Variants in NDRG3 observed in about 807,000 individuals in gnomAD.
NDRG3 encodes the protein protein NDRG3.
NDRG3 carries 23 observed loss-of-function variants against 57.2 expected under a neutral mutation model. The observed-to-expected ratio is 0.40, with a 90% CI of 0.29 to 0.57. NDRG3 has a LOEUF of 0.57. Ranked by LOEUF, NDRG3 falls within the 20% of genes least tolerant of loss-of-function variation. The pLI, the probability that NDRG3 is intolerant of heterozygous loss-of-function variation, is 0.42. For missense variants in NDRG3, 384 were observed against 457.3 expected, an observed-to-expected ratio of 0.84 and a Z score of 1.46; for synonymous variants, 132 against 162.6, an observed-to-expected ratio of 0.81 and a Z score of 1.43.
intron 8 of NDRG3, among the ~76,000 whole-genome samples, chr20:36,675,962 T>A (rs372815819): frequency 1.3e-5 from 2 of 152,054 alleles, no homozygotes; most frequent in South Asian, 2.1e-4. Context: ...GATTAACGGC[T>A]GGGCGCGGTG....
chr20:36,675,922 T>C (rs1453534125), intron 8 of NDRG3, among the ~76,000 whole-genome samples: 1 of 152,156 alleles, frequency 6.6e-6, no homozygotes, highest in Non-Finnish European at 1.5e-5. Flanking sequence ...AATGTAAAAG[T>C]ACTGAGAAGT....
intron 1 of NDRG3, among the ~76,000 whole-genome samples, chr20:36,728,598 G>A (rs1315923674): frequency 6.6e-6 from 1 of 152,182 alleles, no homozygotes; most frequent in African/African-American, 2.4e-5. Flanking sequence ...GGGTTTTGGA[G>A]CATTTCAGAT....
intron 1 of NDRG3, among the ~76,000 whole-genome samples, chr20:36,730,318 C>T (rs932896492): frequency 1.3e-5 from 2 of 151,470 alleles, no homozygotes; most frequent in African/African-American, 4.8e-5. Flanking sequence ...GCAGTGGCAC[C>T]ATCTTAGCTC....
chr20:36,671,625 AC>A (rs1980172423), intron 8 of NDRG3, among the ~76,000 whole-genome samples: 1 of 152,068 alleles, frequency 6.6e-6, no homozygotes, highest in Non-Finnish European at 1.5e-5. Flanking sequence ...ACACGGTGAA[AC>A]CCTGTCTCTA....
At chr20:36,727,537 T>C (rs901126154) in intron 1 of NDRG3, among the ~76,000 whole-genome samples, 2 of 149,102 alleles carry the variant, frequency 1.3e-5, no homozygotes, top group Non-Finnish European at 3.0e-5. Flanking sequence ...CTTTCTTTTT[T>C]CTTTTCTTTT....
intron 1 of NDRG3, among the ~76,000 whole-genome samples, chr20:36,723,164 C>T (rs1984698918): frequency 6.6e-6 from 1 of 152,092 alleles, no homozygotes; most frequent in South Asian, 2.1e-4. Context: ...GTTTCTGACC[C>T]ACAGAAACCA....
intron 12 of NDRG3, 35 bp from the exon 13 acceptor site, chr20:36,660,419 T>C: frequency 6.3e-7 from 1 of 1,575,144 alleles, no homozygotes; most frequent in Non-Finnish European, 8.7e-7. Flanking sequence ...AATAATTTTA[T>C]GAGTTGCTAG....
At chr20:36,685,507 C>T (rs1422201356) in intron 5 of NDRG3, among the ~76,000 whole-genome samples, 2 of 152,120 alleles carry the variant, frequency 1.3e-5, no homozygotes, top group East Asian at 1.9e-4. Context: ...GATGGAGTCT[C>T]GCTATGTTGC....
In NDRG3 at chr20:36,653,633, C is replaced by T. The variant is rs1978401536; in HGVS notation, c.1015G>A (p.Gly339Arg). The T allele has an allele frequency of 3.7e-6, 6 of 1,614,018 alleles. No individual in the cohort carries two copies. The highest frequency in any genetic ancestry group is 5.1e-6 in the Non-Finnish European group (6 of 1,180,042). ...THSTSSSLGSGESPFSRSVTS... is the reference protein window; with the variant it reads ...THSTSSSLGSRESPFSRSVTS... ...ACAGACCGGCTGAAGGGACTTTCTC[C>T]AGAGCCGAGGCTACTCGAGGTTGAG... The change falls in exon 16 of 16, where the codon GGA (glycine) becomes AGA (arginine). Residue 339 changes from glycine (G) to arginine (R), a missense_variant. Coordinates refer to ENST00000349004, the MANE Select transcript of NDRG3 (RefSeq NM_032013.4). This position sits in a 1 kb window ranked among gnomAD's most constrained non-coding sequence, Gnocchi z 4.2.
At position 36,706,824 on chromosome 20, in the gene NDRG3, A is replaced by C. The variant is rs150876890; in HGVS notation, c.93+148T>G. The C allele has an allele frequency of 1.8e-5, 11 of 618,322 alleles. No individual in the cohort carries two copies. The East Asian group carries it at 2.8e-4, about 16-fold the overall frequency. The allele number at this position is 618,322 out of a possible 1,614,324, so 38.3% of individuals were successfully genotyped here. On this transcript the variant is annotated intron_variant, in intron 3 of 15. Coordinates refer to ENST00000349004, the MANE Select transcript of NDRG3 (RefSeq NM_032013.4). ...GTGGCCAACAATTGCAAATCATTTT[A>C]AGTGAACTTGATCCAATGACCAAAC...
At chr20:36,681,179 T>G (rs1981252944) in intron 7 of NDRG3, among the ~76,000 whole-genome samples, 1 of 152,238 alleles carries the variant, frequency 6.6e-6, no homozygotes, top group South Asian at 2.1e-4. Flanking sequence ...ATGGTGGATC[T>G]TCCTCATTGG....
At chr20:36,663,969 C>A (rs1480589662) in intron 12 of NDRG3, among the ~76,000 whole-genome samples, 3 of 152,050 alleles carry the variant, frequency 2.0e-5, no homozygotes, top group African/African-American at 7.2e-5. Flanking sequence ...TGCCACTACA[C>A]CCGGCTAATT....
At chr20:36,676,182 G>C (rs1415998983) in intron 8 of NDRG3, among the ~76,000 whole-genome samples, 3 of 152,062 alleles carry the variant, frequency 2.0e-5, no homozygotes, top group Non-Finnish European at 2.9e-5. Flanking sequence ...GGAGCTTGCA[G>C]TGAGCCGAGA....
chr20:36,676,448 T>C (rs1006496239), intron 8 of NDRG3, among the ~76,000 whole-genome samples: 21 of 149,374 alleles, frequency 1.4e-4, no homozygotes, highest in African/African-American at 2.0e-4. Flanking sequence ...AAAGTGTTTT[T>C]GTTTGTTTGT....
chr20:36,664,215 G>A (rs775942711), intron 12 of NDRG3, among the ~76,000 whole-genome samples: 2 of 152,168 alleles, frequency 1.3e-5, no homozygotes, highest in African/African-American at 2.4e-5. Flanking sequence ...GCTATCAGTA[G>A]TGTTAAGTCA....
intron 3 of NDRG3, among the ~76,000 whole-genome samples, chr20:36,698,875 T>C (rs1983020721): frequency 6.6e-6 from 1 of 152,076 alleles, no homozygotes; most frequent in Non-Finnish European, 1.5e-5. Context: ...ATATACCACT[T>C]ATGCCAATAT....
At chr20:36,707,831 C>T (rs1314906561) in intron 2 of NDRG3, among the ~76,000 whole-genome samples, 2 of 152,136 alleles carry the variant, frequency 1.3e-5, no homozygotes, top group African/African-American at 4.8e-5. Context: ...CACCTGTAAT[C>T]CCAGTATTTT....
intron 3 of NDRG3, among the ~76,000 whole-genome samples, chr20:36,695,871 C>T (rs563086975): frequency 3.3e-5 from 5 of 152,188 alleles, no homozygotes; most frequent in African/African-American, 9.6e-5. Context: ...TATTCGTATA[C>T]TCCCTCCCCT....
At chr20:36,743,560 A>G (rs998528989) in intron 1 of NDRG3, among the ~76,000 whole-genome samples, 18 of 151,822 alleles carry the variant, frequency 1.2e-4, no homozygotes, top group African/African-American at 4.1e-4. Flanking sequence ...CACGCCTGTA[A>G]TCCCAGCACT....
Sources: gnomAD v4.1 joint callset for allele counts (sites outside exome capture counted in the v4.1 genomes callset) on GRCh38, gnomAD v4.1.1 for gene constraint, Gnocchi (gnomAD v3.1) non-coding constraint, MANE v1.5 for transcripts, NCBI Gene and HGNC (gene_info 2026-07-23, HGNC 2026-07-21) for gene names.